The following PLCG1 variants were observed in gnomAD, a reference collection of about 807,000 sequenced individuals.
PLCG1 encodes 1-phosphatidylinositol 4,5-bisphosphate phosphodiesterase gamma-1.
PLCG1 carries 71 observed loss-of-function variants against 177.8 expected under a neutral mutation model. That is an observed-to-expected ratio of 0.40 (90% CI 0.33 to 0.49). PLCG1 has a LOEUF of 0.49. PLCG1 is among the 20% of genes least tolerant of loss of function. The pLI, the probability that PLCG1 is intolerant of heterozygous loss-of-function variation, is 0.72. For missense variants in PLCG1, 1,281 were observed against 1,709.0 expected, an observed-to-expected ratio of 0.75 and a Z score of 4.42; for synonymous variants, 658 against 647.9, an observed-to-expected ratio of 1.02 and a Z score of -0.24.
chr20:41,168,236 C>T (rs913567893), intron 20 of PLCG1, among the ~76,000 whole-genome samples: 3 of 152,226 alleles, frequency 2.0e-5, no homozygotes, highest in East Asian at 1.9e-4. Flanking sequence ...ACTCATTCCC[C>T]GGCCTCATGG....
intron 4 of PLCG1, chr20:41,162,235 GT>G (rs11426520): frequency 2.2e-4 from 31 of 143,634 alleles, no homozygotes; most frequent in Middle Eastern, 2.7e-3. Flanking sequence ...TTTTGTTTTT[GT>G]TTTTTTTTTT....
chr20:41,172,898 C>A lies in PLCG1; in HGVS notation c.3279+21C>A. On this transcript the variant is annotated intron_variant, in intron 27 of 31. Coordinates refer to ENST00000685551, the MANE Select transcript of PLCG1 (RefSeq NM_002660.3). This position sits in a 1 kb window ranked among gnomAD's most constrained non-coding sequence, Gnocchi z 7.0. ...TTGAGGTGGGTGCTGCTCATCTGGG[C>A]TTCAGGGTAGGAAAGGGGCTGCTTG... is the stretch of plus-strand genomic sequence containing the variant. The A allele has an allele frequency of 4.3e-6, 7 of 1,610,302 alleles. No homozygotes were observed. The highest frequency in any genetic ancestry group is 5.9e-6 in the Non-Finnish European group (7 of 1,177,566).
chr20:41,173,854 T>C lies in PLCG1; in HGVS notation c.3556+41T>C, dbSNP rs752551191. 6.2e-7 allele frequency: 1 copy of C among 1,611,260 alleles called. No homozygotes were observed. Among genetic ancestry groups the C allele is most frequent in the Non-Finnish European group, 8.5e-7 (1 of 1,177,806 alleles). On this transcript the variant is annotated intron_variant, in intron 29 of 31. Coordinates refer to ENST00000685551, the MANE Select transcript of PLCG1 (RefSeq NM_002660.3). This position sits in a 1 kb window ranked among gnomAD's most constrained non-coding sequence, Gnocchi z 6.2. Reference sequence around the variant, plus strand: ...GGAGGCAGTGCCCCTGCAATCTTGCTGGCAGGGTGGGGCTGGGCCCCTTGC... The same window carrying C: ...GGAGGCAGTGCCCCTGCAATCTTGCCGGCAGGGTGGGGCTGGGCCCCTTGC...
At position 41,172,991 on chromosome 20, in the gene PLCG1, G is replaced by A. The variant is rs1429580895; in HGVS notation, c.3279+114G>A. The A allele has an allele frequency of 9.0e-7, 1 of 1,113,604 alleles. No homozygotes were observed. Among genetic ancestry groups the A allele is most frequent in the Non-Finnish European group, 1.3e-6 (1 of 781,946 alleles). 69.0% of individuals were successfully genotyped at this position (1,113,604 alleles called of 1,614,324 possible). ...TTTCAGGCATCAAGGTGGTCAGGGTGGGTGGGGCCTGAGCTGAGTCTTTGA... is the reference window on the plus strand; with the variant it reads ...TTTCAGGCATCAAGGTGGTCAGGGTAGGTGGGGCCTGAGCTGAGTCTTTGA... On this transcript the variant is annotated intron_variant, in intron 27 of 31. Coordinates refer to ENST00000685551, the MANE Select transcript of PLCG1 (RefSeq NM_002660.3). The surrounding 1 kb of genome is among the most constrained non-coding windows in gnomAD (Gnocchi z 7.0).
At position 41,167,212 on chromosome 20, in the gene PLCG1, C is replaced by T. The variant is rs374211941; in HGVS notation, c.2301+353C>T. Among the ~76,000 whole-genome samples, 54 of 152,168 alleles carry T rather than the reference C, an allele frequency of 3.5e-4. 1 individual carries two copies. In the East Asian group the frequency reaches 4.8e-3, roughly 14 times the overall value. ...CCTAGGGCAGATGAGATGAGGCTAC[C>T]CAAGAGTGGTTGTGGAGCCTCCGCC... is the stretch of plus-strand genomic sequence containing the variant. On this transcript the variant is annotated intron_variant, in intron 19 of 31. Coordinates refer to ENST00000685551, the MANE Select transcript of PLCG1 (RefSeq NM_002660.3). The surrounding 1 kb of genome is among the most constrained non-coding windows in gnomAD (Gnocchi z 4.4).
Position 41,169,534 on chromosome 20 carries a change from C to T in PLCG1, c.2650+8C>T. The T allele has an allele frequency of 1.2e-6, 2 of 1,606,886 alleles. No homozygotes were observed. The highest frequency in any genetic ancestry group is 1.7e-6 in the Non-Finnish European group (2 of 1,173,570). On this transcript the variant is annotated splice_region_variant and intron_variant, in intron 23 of 31. Coordinates refer to ENST00000685551, the MANE Select transcript of PLCG1 (RefSeq NM_002660.3). ...TGCCGGCTTGTCAGATTGGTGAGCT[C>T]CCATCTGTTTCTCTTGCCCACTGTT...
intron 22 of PLCG1, 126 bp downstream of exon 22, chr20:41,169,301 G>A: frequency 2.1e-6 from 2 of 930,736 alleles, no homozygotes; most frequent in Non-Finnish European, 3.5e-6. Flanking sequence ...TGGTCGCACA[G>A]CCCATGTGGC....
chr20:41,137,678 G>A lies in PLCG1; in HGVS notation c.37G>A (p.Gly13Arg). ...CGCGTCCCCTTGCGCCAACGGCTGCGGGCCCGGCGCGCCCTCGGACGCCGA... is the reference window on the plus strand; with the variant it reads ...CGCGTCCCCTTGCGCCAACGGCTGCAGGCCCGGCGCGCCCTCGGACGCCGA... ...GAASPCANGC[G>R]PGAPSDAEVL... Residue 13 changes from glycine to arginine, a missense_variant, in exon 1 of 32, where the codon GGG (glycine) becomes AGG (arginine). By Grantham distance (125) the Gly-to-Arg change is moderately radical. This residue lies in a region of PLCG1 where 374 missense variants were observed against 443.8 expected (regional missense o/e 0.84). Transcript: ENST00000685551. The surrounding 1 kb of genome is among the most constrained non-coding windows in gnomAD (Gnocchi z 7.3). 1 of 1,319,250 alleles carries A rather than the reference G, an allele frequency of 7.6e-7. No individual in the cohort carries two copies. The highest frequency in any genetic ancestry group is 9.7e-7 in the Non-Finnish European group (1 of 1,033,776). 81.7% of individuals were successfully genotyped at this position (1,319,250 alleles called of 1,614,324 possible).
rs2035694068 is a variant in PLCG1 at position 41,166,403 on chromosome 20, A to G, written c.2000+9A>G. The G allele has an allele frequency of 6.2e-7, 1 of 1,614,028 alleles. No individual in the cohort carries two copies. The highest frequency in any genetic ancestry group is 1.3e-5 in the African/African-American group (1 of 75,046). The stretch of plus-strand genomic sequence containing the variant: ...GCCCACGAGAGCAAAGAGTGAGGGA[A>G]GGGCCTGGGGGCGGACAAGGCAGGG... On this transcript the variant is annotated intron_variant, in intron 17 of 31. Transcript: ENST00000685551. This position sits in a 1 kb window ranked among gnomAD's most constrained non-coding sequence, Gnocchi z 8.6.
At position 41,173,955 on chromosome 20, in the gene PLCG1, A is replaced by T. The variant is rs2146066630; in HGVS notation, c.3589A>T (p.Ser1197Cys). 6.2e-7 allele frequency: 1 copy of T among 1,614,152 alleles called. No individual in the cohort carries two copies. The highest frequency in any genetic ancestry group is 1.1e-5 in the South Asian group (1 of 91,088). ...AGCAGTGCCTTTGAAGAACAACTAC[A>T]GTGAGGACCTGGAGTTGGCCTCCCT... The part of the protein sequence containing the change: ...YRAVPLKNNY[S>C]EDLELASLLI... The change falls in exon 30 of 32, where the codon AGT (serine) becomes TGT (cysteine). Residue 1197 changes from serine to cysteine, a missense_variant. By Grantham distance (112) the Ser-to-Cys change is moderately radical (BLOSUM62 -1). Coordinates refer to ENST00000685551, the MANE Select transcript of PLCG1 (RefSeq NM_002660.3). The surrounding 1 kb of genome is among the most constrained non-coding windows in gnomAD (Gnocchi z 6.2).
At chr20:41,145,227 C>G (rs2034960631) in intron 1 of PLCG1, among the ~76,000 whole-genome samples, 1 of 152,164 alleles carries the variant, frequency 6.6e-6, no homozygotes, top group Non-Finnish European at 1.5e-5. Flanking sequence ...TGGAGAGTGG[C>G]CTCAGTGGTT....
Position 41,162,671 on chromosome 20 carries a change from C to G in PLCG1, c.627C>G (p.Thr209=), listed in dbSNP as rs754923980. The G allele has an allele frequency of 9.9e-6, 16 of 1,613,904 alleles. No homozygotes were observed. Among genetic ancestry groups the G allele is most frequent in the Non-Finnish European group, 7.6e-6 (9 of 1,179,968 alleles). ...TGGAGCAGCGCAGCGGGGACATCAC[C>G]TACGGGCAGTTTGCTCAGCTGTACC... is the stretch of plus-strand genomic sequence containing the variant. The part of the protein sequence containing the change: ...TDLEQRSGDI[T]YGQFAQLYRS... Residue 209 remains threonine (T), a synonymous_variant, in exon 6 of 32, where the codon ACC becomes ACG. Coordinates refer to ENST00000685551, the MANE Select transcript of PLCG1 (RefSeq NM_002660.3).
In PLCG1 at chr20:41,174,147, C is replaced by T. The variant is rs2035988474; in HGVS notation, c.3669C>T (p.Pro1223=). 1 of 1,614,018 alleles carries T rather than the reference C, an allele frequency of 6.2e-7. No individual in the cohort carries two copies. The highest frequency in any genetic ancestry group is 8.5e-7 in the Non-Finnish European group (1 of 1,179,902). ...PAKQENGDLS[P]FSGTSLRERG... is the part of the protein sequence containing the mutation. ...AGCAGGAGAATGGTGACCTCAGTCC[C>T]TTCAGTGGTACGTCCCTGCGGGAGC... is the stretch of plus-strand genomic sequence containing the variant. The change falls in exon 31 of 32, where the codon CCC becomes CCT. Residue 1223 remains proline (P), a synonymous_variant. Transcript: ENST00000685551. This position sits in a 1 kb window ranked among gnomAD's most constrained non-coding sequence, Gnocchi z 5.8.
Position 41,146,241 on chromosome 20 carries a change from C to T in PLCG1, c.217+8383C>T, listed in dbSNP as rs2034991777. 6.6e-6 allele frequency among the ~76,000 whole-genome samples: 1 copy of T among 152,166 alleles called. No individual in the cohort carries two copies. Among genetic ancestry groups the T allele is most frequent in the African/African-American group, 2.4e-5 (1 of 41,432 alleles). ...TTAGGAAGCAAGAAAACGAGGTGAC[C>T]CAGTCCTTGATCCTGAGAAGCTTGT... On this transcript the variant is annotated intron_variant, in intron 1 of 31. Transcript: ENST00000685551. This position sits in a 1 kb window ranked among gnomAD's most constrained non-coding sequence, Gnocchi z 6.3.
In PLCG1 at chr20:41,153,409, G is replaced by A. The variant is rs913661405; in HGVS notation, c.218-6197G>A. Among the ~76,000 whole-genome samples, 12 of 152,028 alleles carry A rather than the reference G, an allele frequency of 7.9e-5. No homozygotes were observed. Among genetic ancestry groups the A allele is most frequent in the Non-Finnish European group, 7.4e-5 (5 of 67,998 alleles). Reference sequence around the variant, plus strand: ...TTGGGCTCAAGTGATCTTTCCCACCGCCTCCCAAGTAGCTGGGACTACAGG... The same window carrying A: ...TTGGGCTCAAGTGATCTTTCCCACCACCTCCCAAGTAGCTGGGACTACAGG... On this transcript the variant is annotated intron_variant, in intron 1 of 31. Transcript: ENST00000685551. This position sits in a 1 kb window ranked among gnomAD's most constrained non-coding sequence, Gnocchi z 5.1.
At chr20:41,155,788 C>T (rs1165841330) in intron 1 of PLCG1, among the ~76,000 whole-genome samples, 1 of 152,182 alleles carries the variant, frequency 6.6e-6, no homozygotes, top group Non-Finnish European at 1.5e-5. Context: ...TGTCTCCAGA[C>T]TTCTCTATTA....
At chr20:41,142,443 G>C (rs967553355) in intron 1 of PLCG1, among the ~76,000 whole-genome samples, 5 of 152,248 alleles carry the variant, frequency 3.3e-5, no homozygotes, top group African/African-American at 9.6e-5. Context: ...CACAGTGGCA[G>C]TGGTTTGTCA....
intron 20 of PLCG1, among the ~76,000 whole-genome samples, chr20:41,168,174 C>T (rs747671630): frequency 3.9e-5 from 6 of 152,180 alleles, no homozygotes; most frequent in Admixed American, 6.5e-5. Flanking sequence ...GTGGGTGACC[C>T]CTGTTTCCTT....
At position 41,166,680 on chromosome 20, in the gene PLCG1, G is replaced by T; in HGVS notation, c.2122G>T (p.Ala708Ser). Residue 708 changes from alanine to serine, a missense_variant and splice_region_variant, in exon 19 of 32, where the codon GCT becomes TCT. This residue lies in a region of PLCG1 where 723 missense variants were observed against 1,030.0 expected (regional missense o/e 0.70). Coordinates refer to ENST00000685551, the MANE Select transcript of PLCG1 (RefSeq NM_002660.3). The surrounding 1 kb of genome is among the most constrained non-coding windows in gnomAD (Gnocchi z 8.6). ...TGTGACTGTTTTGTCCTTGTGAAGG[G>T]CTGAGGGCAAGATCAAGCATTGCCG... ...EPNSYAISFR[A>S]EGKIKHCRVQ... 1 of 1,614,156 alleles carries T rather than the reference G, an allele frequency of 6.2e-7. No homozygotes were observed. The highest frequency in any genetic ancestry group is 8.5e-7 in the Non-Finnish European group (1 of 1,180,014).
Sources: gnomAD v4.1 joint callset for allele counts (sites outside exome capture counted in the v4.1 genomes callset) on GRCh38, gnomAD v4.1.1 for gene constraint, gnomAD v4.1.1 regional missense constraint, Gnocchi (gnomAD v3.1) non-coding constraint, MANE v1.5 for transcripts, NCBI Gene and HGNC (gene_info 2026-07-23, HGNC 2026-07-21) for gene names.